Variants in SEPTIN2 observed in about 807,000 individuals in gnomAD.
SEPTIN2 encodes septin-2.
In SEPTIN2, 34 loss-of-function variants were observed where a neutral mutation model predicts 46.5. That is an observed-to-expected ratio of 0.73 (90% CI 0.56 to 0.97). The LOEUF is 0.97. Ranked by LOEUF, SEPTIN2 falls within the 50% of genes least tolerant of loss-of-function variation. SEPTIN2 has a pLI of 0.00. For missense variants in SEPTIN2, 347 were observed against 448.4 expected (o/e 0.77, Z 2.04); for synonymous variants, 175 against 153.4 (o/e 1.14, Z -1.04).
At chr2:241,323,928 C>T (rs1239218588) in intron 1 of SEPTIN2, among the ~76,000 whole-genome samples, 1 of 152,192 alleles carries the variant, frequency 6.6e-6, no homozygotes, top group African/African-American at 2.4e-5. Context: ...ATCTCCCAGT[C>T]ATTTAGTCTA....
intron 11 of SEPTIN2, 46 bp downstream of exon 11, chr2:241,348,237 GT>G: frequency 6.4e-7 from 1 of 1,558,246 alleles, no homozygotes; most frequent in Non-Finnish European, 8.8e-7. Flanking sequence ...TGGTTGTTTT[GT>G]TTGTTTTGAG....
intron 1 of SEPTIN2, among the ~76,000 whole-genome samples, chr2:241,323,204 T>C (rs572805708): frequency 6.6e-6 from 1 of 151,116 alleles, no homozygotes; most frequent in African/African-American, 2.4e-5. Context: ...GGAGTCTCAC[T>C]CTGTTGCCCA....
chr2:241,340,656 T>C lies in SEPTIN2; in HGVS notation c.595-2336T>C, dbSNP rs146381195. ...AATGGGGGTGGTGTCAGGGTTAGAATGCTGTAATTCTAATCTCTAATCCTG... is the reference window on the plus strand; with the variant it reads ...AATGGGGGTGGTGTCAGGGTTAGAACGCTGTAATTCTAATCTCTAATCCTG... On this transcript the variant is annotated intron_variant, in intron 7 of 12. Coordinates refer to ENST00000391971, the MANE Select transcript of SEPTIN2 (RefSeq NM_004404.5). Among the ~76,000 whole-genome samples the C allele has an allele frequency of 1.4e-4, 22 of 152,354 alleles. No homozygotes were observed. In the East Asian group the frequency reaches 4.0e-3, roughly 28 times the overall value.
chr2:241,343,717 T>A (rs367972173), intron 8 of SEPTIN2, 35 bp from the exon 9 acceptor site: 8 of 1,612,700 alleles, frequency 5.0e-6, no homozygotes, highest in Non-Finnish European at 6.8e-6. Context: ...GGGTTCCCTG[T>A]GTGGAGCCTG....
intron 3 of SEPTIN2, among the ~76,000 whole-genome samples, chr2:241,327,599 C>A (rs967681561): frequency 6.6e-6 from 1 of 150,826 alleles, no homozygotes; most frequent in East Asian, 1.9e-4. Flanking sequence ...TTGACAAATA[C>A]CAGGCAAAAT....
At chr2:241,333,391 G>T (rs550276841) in intron 3 of SEPTIN2, among the ~76,000 whole-genome samples, 2 of 152,330 alleles carry the variant, frequency 1.3e-5, no homozygotes, top group South Asian at 4.1e-4. Context: ...CAGGCATTTA[G>T]TCAAATTTTT....
chr2:241,327,561 A>G (rs1480424393), intron 3 of SEPTIN2, among the ~76,000 whole-genome samples: 1 of 151,952 alleles, frequency 6.6e-6, no homozygotes, highest in African/African-American at 2.4e-5. Flanking sequence ...ATTTTCAGCA[A>G]AGTTGTAAAT....
At chr2:241,329,149 G>A (rs1243687307) in intron 3 of SEPTIN2, among the ~76,000 whole-genome samples, 2 of 151,974 alleles carry the variant, frequency 1.3e-5, no homozygotes, top group Admixed American at 6.6e-5. Flanking sequence ...GGTTTGAGAT[G>A]GAGCCTCGCT....
At chr2:241,350,999 A>C (rs547862940) in intron 12 of SEPTIN2, among the ~76,000 whole-genome samples, 1 of 152,200 alleles carries the variant, frequency 6.6e-6, no homozygotes, top group Non-Finnish European at 1.5e-5. Context: ...CAAACCTCAT[A>C]CAAGAGATCT....
chr2:241,316,352 T>G (rs2149775501), intron 1 of SEPTIN2: 1 of 694,488 alleles, frequency 1.4e-6, no homozygotes. Context: ...GGATACAGGT[T>G]TAGGCCCGAC....
At chr2:241,329,379 C>T (rs541427561) in intron 3 of SEPTIN2, among the ~76,000 whole-genome samples, 7 of 152,120 alleles carry the variant, frequency 4.6e-5, no homozygotes, top group South Asian at 2.1e-4. Flanking sequence ...CCGCCCGCCT[C>T]GGCCTCTCAA....
At position 241,335,108 on chromosome 2, in the gene SEPTIN2, T is replaced by G; in HGVS notation, c.131-18T>G. 6.3e-7 allele frequency: 1 copy of G among 1,582,496 alleles called. No individual in the cohort carries two copies. The highest frequency in any genetic ancestry group is 8.7e-7 in the Non-Finnish European group (1 of 1,152,978). ...CATATGAATAAGGTCATGACAAGGT[T>G]TTTCTTTTTATTTAAAGGTGAATCA... On this transcript the variant is annotated intron_variant, in intron 3 of 12. Transcript: ENST00000391971.
intron 3 of SEPTIN2, among the ~76,000 whole-genome samples, chr2:241,329,486 A>G (rs1000097346): frequency 3.3e-5 from 5 of 152,194 alleles, no homozygotes; most frequent in African/African-American, 4.8e-5. Context: ...GCATTATCCT[A>G]TTACAAATGA....
At chr2:241,347,421 C>T (rs544381456) in intron 10 of SEPTIN2, among the ~76,000 whole-genome samples, 6 of 152,314 alleles carry the variant, frequency 3.9e-5, no homozygotes, top group South Asian at 2.1e-4. Flanking sequence ...GCTGAGTAGG[C>T]GCTGGCCCTG....
chr2:241,321,414 T>C (rs1371569017), intron 1 of SEPTIN2, among the ~76,000 whole-genome samples: 4 of 152,222 alleles, frequency 2.6e-5, no homozygotes, highest in African/African-American at 9.6e-5. Flanking sequence ...GTTATTCTGC[T>C]TATTTTTACT....
At chr2:241,324,442 C>T (rs1206719756) in intron 2 of SEPTIN2, 1 of 530,610 alleles carries the variant, frequency 1.9e-6, no homozygotes, top group Non-Finnish European at 3.4e-6. Context: ...GGCTGGAGTG[C>T]AGTGGCATGA....
At position 241,343,065 on chromosome 2, in the gene SEPTIN2, A is replaced by T; in HGVS notation, c.668A>T (p.Asp223Val). The change falls in exon 8 of 13, where the codon GAT becomes GTT. Residue 223 changes from aspartate to valine, a missense_variant. Coordinates refer to ENST00000391971, the MANE Select transcript of SEPTIN2 (RefSeq NM_004404.5). ...LPDAESDEDE[D>V]FKEQTRLLKA... ...GATGCAGAATCAGATGAAGATGAAG[A>T]TTTTAAAGAGCAGACTAGACTTCTC... 6.2e-7 allele frequency: 1 copy of T among 1,607,410 alleles called. No individual in the cohort carries two copies. Among genetic ancestry groups the T allele is most frequent in the Non-Finnish European group, 8.5e-7 (1 of 1,174,252 alleles).
intron 7 of SEPTIN2, among the ~76,000 whole-genome samples, chr2:241,342,249 TTTC>T (rs2150133751): frequency 6.6e-6 from 1 of 152,214 alleles, no homozygotes; most frequent in Non-Finnish European, 1.5e-5. Context: ...TTTTTCTTTC[TTTC>T]TTCCTTTTTT....
At chr2:241,339,468 A>G (rs1012333820) in intron 7 of SEPTIN2, among the ~76,000 whole-genome samples, 1 of 152,172 alleles carries the variant, frequency 6.6e-6, no homozygotes, top group African/African-American at 2.4e-5. Flanking sequence ...TTGGTTTTGC[A>G]GAATGAAATC....
Sources: allele counts gnomAD v4.1 joint callset (sites outside exome capture counted in the v4.1 genomes callset), GRCh38; gene constraint gnomAD v4.1.1; transcripts MANE v1.5; gene names NCBI Gene and HGNC (gene_info 2026-07-23, HGNC 2026-07-21).